The following XIST variants were observed in gnomAD, a reference collection of about 807,000 sequenced individuals.
XIST encodes the protein X inactive specific transcript.
At chrX:73,834,102 A>T (rs368996809) in intron 2 of XIST, among the ~76,000 whole-genome samples, 1 of 112,329 alleles carries the variant, frequency 8.9e-6, no homozygotes, top group East Asian at 2.8e-4. Flanking sequence ...TTAATCTAAG[A>T]TTAGATACTT....
chrX:73,849,702 G>A (rs1922864425), exon 1 of XIST: 1 of 555,452 alleles, frequency 1.8e-6, no homozygotes, highest in African/African-American at 2.3e-5. Flanking sequence ...CTGAAGATCA[G>A]CAATGCCAAG....
intron 1 of XIST, among the ~76,000 whole-genome samples, chrX:73,841,112 G>A (rs1922577622): frequency 9.0e-6 from 1 of 111,583 alleles, no homozygotes; most frequent in African/African-American, 3.3e-5. Context: ...AATTATATAG[G>A]ATGATATCAT....
intron 1 of XIST, chrX:73,841,331 A>T (rs919094266): frequency 3.9e-5 from 17 of 440,266 alleles, no homozygotes; most frequent in Middle Eastern, 5.1e-4. Flanking sequence ...TCTAAGAGAA[A>T]GAAAATAGAA....
chrX:73,837,654 T>TAC (rs1273916001), intron 1 of XIST, among the ~76,000 whole-genome samples: 51 of 111,999 alleles, frequency 4.6e-4, no homozygotes, highest in African/African-American at 1.6e-3. Context: ...GGGTGTGAAG[T>TAC]ACACAGAAAC....
chrX:73,846,626 TA>T (rs1200724297), exon 1 of XIST: 1 of 558,634 alleles, frequency 1.8e-6, no homozygotes, highest in Non-Finnish European at 3.2e-6. Flanking sequence ...ACTCTCCAAA[TA>T]AAAGGGTCTT....
exon 6 of XIST, chrX:73,823,575 A>C (rs780818248): frequency 5.4e-6 from 3 of 555,415 alleles, no homozygotes; most frequent in Admixed American, 2.2e-5. Flanking sequence ...ATTTATTTTT[A>C]CTCCTTTACT....
In XIST at chrX:73,843,896, C is replaced by T. The variant is rs775026386; in HGVS notation, n.8828G>A. On this transcript the variant is annotated non_coding_transcript_exon_variant, in exon 1 of 6. Coordinates refer to ENST00000429829, the Ensembl canonical transcript of XIST. ...ACAAAGGAAAGGTGATGGGGTATGA[C>T]CTTAATCTACTGACAAAGACAAAAG... 34 of 556,150 alleles carry T rather than the reference C, an allele frequency of 6.1e-5. No homozygotes were observed. The Admixed American group carries it at 7.4e-4, about 12-fold the overall frequency. The allele number at this position is 556,150 out of a possible 1,213,427, so 45.8% of individuals were successfully genotyped here.
exon 1 of XIST, chrX:73,844,510 A>G (rs751123204): frequency 5.2e-5 from 29 of 557,423 alleles, no homozygotes; most frequent in Non-Finnish European, 7.8e-5. Flanking sequence ...AGGATAAGCC[A>G]TGTGCAGTTA....
chrX:73,829,380 G>T, intron 4 of XIST: 1 of 415,220 alleles, frequency 2.4e-6, no homozygotes, highest in Non-Finnish European at 4.2e-6. Flanking sequence ...TCTTTAGAGA[G>T]AAAATTTCCT....
exon 6 of XIST, chrX:73,824,579 C>T: frequency 5.4e-6 from 3 of 553,392 alleles, no homozygotes; most frequent in Non-Finnish European, 9.8e-6. Flanking sequence ...GAACCCTTCT[C>T]ACTGTGGTTT....
In XIST at chrX:73,828,130, CTA is replaced by C. The variant is rs748632225; in HGVS notation, n.11917-148_11917-147del. The C allele has an allele frequency of 3.2e-4, 138 of 429,387 alleles. No individual in the cohort carries two copies. The Middle Eastern group carries it at 3.6e-3, about 11-fold the overall frequency. 35.4% of individuals were successfully genotyped at this position (429,387 alleles called of 1,213,427 possible). A position where few individuals can be genotyped will look rare whatever the true frequency, so the allele number is the denominator to read the frequency against. On this transcript the variant is annotated intron_variant and non_coding_transcript_variant, in intron 5 of 5. Transcript: ENST00000429829. ...AAGTGTCATTAGTAATTATAATAAA[CTA>C]TTGTTACTACGAATACTACTTATAG...
exon 6 of XIST, chrX:73,823,145 A>G: frequency 1.8e-6 from 1 of 555,708 alleles, no homozygotes; most frequent in Non-Finnish European, 3.2e-6. Context: ...GAACCATTTA[A>G]CTGTAATAAA....
exon 6 of XIST, chrX:73,826,005 A>C (rs1256562632): frequency 3.6e-6 from 2 of 557,179 alleles, no homozygotes; most frequent in Non-Finnish European, 6.5e-6. Context: ...TTTGGCCACT[A>C]CTATGAGCAG....
exon 1 of XIST, chrX:73,842,358 A>T: frequency 1.8e-6 from 1 of 553,116 alleles, no homozygotes; most frequent in Non-Finnish European, 3.3e-6. Context: ...CACTGGAAAC[A>T]CAAAATAAAG....
At chrX:73,825,565 A>AG in exon 6 of XIST, 1 of 515,236 alleles carries the variant, frequency 1.9e-6, no homozygotes, top group South Asian at 2.5e-5. Flanking sequence ...ATAATACATC[A>AG]GGGGGTGGTA....
At chrX:73,847,921 T>A in exon 1 of XIST, 1 of 559,030 alleles carries the variant, frequency 1.8e-6, no homozygotes, top group South Asian at 2.2e-5. Flanking sequence ...ACAAGGAGGA[T>A]AAAATGGATC....
At chrX:73,852,140 G>T (rs1355817422) in exon 1 of XIST, 1 of 529,989 alleles carries the variant, frequency 1.9e-6, no homozygotes, top group East Asian at 3.3e-5. Flanking sequence ...AAGCCCCGAT[G>T]GGCCAAAAAA....
exon 1 of XIST, chrX:73,849,846 G>A (rs1286541605): frequency 4.0e-6 from 2 of 503,488 alleles, no homozygotes; most frequent in Non-Finnish European, 7.1e-6. Context: ...CTGGGGCTAG[G>A]GCTGGGGGGT....
exon 1 of XIST, chrX:73,846,270 T>C: frequency 1.8e-6 from 1 of 558,682 alleles, no homozygotes; most frequent in Non-Finnish European, 3.2e-6. Flanking sequence ...TTGAGCTGTG[T>C]GTAGTTATGC....
Sources: gnomAD v4.1 joint callset for allele counts (sites outside exome capture counted in the v4.1 genomes callset) on GRCh38, gnomAD v4.1.1 for gene constraint, MANE v1.5 for transcripts, NCBI Gene and HGNC (gene_info 2026-07-23, HGNC 2026-07-21) for gene names.